The following TLR8 variants were observed in gnomAD, a reference collection of about 807,000 sequenced individuals.
TLR8 encodes the protein toll like receptor 8.
TLR8 carries 5 observed loss-of-function variants against 18.5 expected under a neutral mutation model. The ratio of observed to expected loss-of-function variants is 0.27; its 90% CI spans 0.14 to 0.57. The LOEUF is 0.57. Ranked by LOEUF, TLR8 falls within the 20% of genes least tolerant of loss-of-function variation. The probability of loss-of-function intolerance (pLI) is 0.92; values close to 1 mark genes in which losing one functional copy is unlikely to be tolerated. For synonymous variants in TLR8, 299 were observed against 300.1 expected, an observed-to-expected ratio of 1.00 and a Z score of 0.04; for missense variants, 543 against 769.8, an observed-to-expected ratio of 0.71 and a Z score of 3.49.
At chrX:12,910,094 A>G (rs1042745497) in intron 1 of TLR8, among the ~76,000 whole-genome samples, 2 of 112,323 alleles carry the variant, frequency 1.8e-5, no homozygotes, top group African/African-American at 3.2e-5. Flanking sequence ...AATTTCATCT[A>G]AAGTGACAAA....
Position 12,920,348 on chromosome X carries a change from T to C in TLR8, c.1308T>C (p.Asp436=). Residue 436 remains aspartate (D), a synonymous_variant, in exon 2 of 2, where the codon GAT becomes GAC. Transcript: ENST00000218032. ...SENRISPLVK[D]TRQSYANSSS... ...ACAGAATATCACCGTTGGTAAAAGA[T>C]ACCCGGCAGAGTTATGCAAATAGTT... 8.3e-7 allele frequency: 1 copy of C among 1,211,275 alleles called. No individual in the cohort carries two copies. The highest frequency in any genetic ancestry group is 3.0e-5 in the East Asian group (1 of 33,868).
chrX:12,916,821 T>C (rs186953247), intron 1 of TLR8, among the ~76,000 whole-genome samples: 1 of 111,008 alleles, frequency 9.0e-6, no homozygotes, highest in Non-Finnish European at 1.9e-5. Flanking sequence ...TCCAGGTTCA[T>C]CCAGATTGTC....
At chrX:12,913,531 G>A (rs537273969) in intron 1 of TLR8, among the ~76,000 whole-genome samples, 1 of 112,540 alleles carries the variant, frequency 8.9e-6, no homozygotes, top group South Asian at 3.6e-4. Flanking sequence ...TGCCTTATCC[G>A]TTTAATTGCC....
At position 12,921,801 on chromosome X, in the gene TLR8, G is replaced by A. The variant is rs973018819; in HGVS notation, c.2761G>A (p.Asp921Asn). 2 of 1,209,996 alleles carry A rather than the reference G, an allele frequency of 1.7e-6. No individual in the cohort carries two copies. Among genetic ancestry groups the A allele is most frequent in the African/African-American group, 3.5e-5 (2 of 57,165 alleles). The change falls in exon 2 of 2, where the codon GAT becomes AAT. Residue 921 changes from aspartate to asparagine, a missense_variant. Asp to Asn is a conservative substitution (Grantham distance 23). Transcript: ENST00000218032. Reference protein sequence around the residue: ...KNVLLCLEERDWDPGLAIIDN... With the variant: ...KNVLLCLEERNWDPGLAIIDN... ...CGTTCTCCTTTGTCTAGAGGAGAGG[G>A]ATTGGGACCCGGGATTGGCCATCAT...
rs5744083 is a variant in TLR8, at chrX:12,921,287, A to G, written c.2247A>G (p.Lys749=). The change falls in exon 2 of 2, where the codon AAA becomes AAG. Residue 749 remains lysine (K), a synonymous_variant. Transcript: ENST00000218032. ...KHLDLSSNLL[K]TINKSALETK... ...TCGATTTAAGTTCCAATCTGCTAAA[A>G]ACAATCAACAAATCCGCACTTGAAA... is the stretch of plus-strand genomic sequence containing the variant. 0.011 allele frequency: 13,063 copies of G among 1,209,874 alleles called. 57 individuals are homozygous for G. The highest frequency in any genetic ancestry group is 0.012 in the Non-Finnish European group (10,763 of 895,232).
intron 1 of TLR8, among the ~76,000 whole-genome samples, chrX:12,917,317 A>T (rs1479682511): frequency 8.9e-6 from 1 of 112,296 alleles, no homozygotes; most frequent in East Asian, 2.8e-4. Context: ...GCTCCACTTT[A>T]ATTTCCATCT....
chrX:12,916,399 G>T (rs747912697), intron 1 of TLR8, among the ~76,000 whole-genome samples: 1 of 112,039 alleles, frequency 8.9e-6, no homozygotes, highest in South Asian at 3.7e-4. Flanking sequence ...ATCTAGCAAT[G>T]TTGGAACTTG....
intron 1 of TLR8, among the ~76,000 whole-genome samples, chrX:12,911,169 T>C (rs181276326): frequency 5.5e-4 from 61 of 111,903 alleles, no homozygotes; most frequent in Non-Finnish European, 1.1e-3. Flanking sequence ...ACAACTGTCA[T>C]TTACCTGTTC....
chrX:12,916,200 T>A (rs184026632), intron 1 of TLR8, among the ~76,000 whole-genome samples: 2 of 112,170 alleles, frequency 1.8e-5, no homozygotes, highest in East Asian at 5.6e-4. Flanking sequence ...TCCCCTCTTC[T>A]TAGGCTCTTA....
In TLR8 at chrX:12,920,974, A is replaced by T. The variant is rs2043089820; in HGVS notation, c.1934A>T (p.Asp645Val). The change falls in exon 2 of 2, where the codon GAT (aspartate) becomes GTT (valine). Residue 645 changes from aspartate (D) to valine (V), a missense_variant. This residue lies in a region of TLR8 where 227 missense variants were observed against 312.9 expected (regional missense o/e 0.73). Coordinates refer to ENST00000218032, the MANE Select transcript of TLR8 (RefSeq NM_138636.5). ...GGTCTCAAGAATCTGACACGTCTGGATTTATCCCTTAATAGGCTGAAGCAC... is the reference window on the plus strand; with the variant it reads ...GGTCTCAAGAATCTGACACGTCTGGTTTTATCCCTTAATAGGCTGAAGCAC... ...FKGLKNLTRL[D>V]LSLNRLKHIP... 8.3e-7 allele frequency: 1 copy of T among 1,211,555 alleles called. No individual in the cohort carries two copies. The highest frequency in any genetic ancestry group is 2.2e-5 in the Admixed American group (1 of 46,035).
At chrX:12,915,339 T>C (rs1230245879) in intron 1 of TLR8, among the ~76,000 whole-genome samples, 1 of 111,508 alleles carries the variant, frequency 9.0e-6, no homozygotes, top group Non-Finnish European at 1.9e-5. Context: ...TTTGTTTTTG[T>C]ATTTTTTGTA....
Position 12,920,924 on chromosome X carries a change from C to T in TLR8, c.1884C>T (p.Asp628=), listed in dbSNP as rs1379610145. The change falls in exon 2 of 2, where the codon GAC becomes GAT. Residue 628 remains aspartate, a synonymous_variant. Coordinates refer to ENST00000218032, the MANE Select transcript of TLR8 (RefSeq NM_138636.5). Reference sequence around the variant, plus strand: ...TTGACATTTTGTGGAATGATGATGACAACAGGTATATCTCCATTTTCAAAG... The same window carrying T: ...TTGACATTTTGTGGAATGATGATGATAACAGGTATATCTCCATTTTCAAAG... ...NRLDILWNDD[D]NRYISIFKGL... is the part of the protein sequence containing the mutation. 1 of 1,210,447 alleles carries T rather than the reference C, an allele frequency of 8.3e-7. No homozygotes were observed. Among genetic ancestry groups the T allele is most frequent in the Admixed American group, 2.2e-5 (1 of 45,935 alleles).
At chrX:12,915,088 C>T (rs72561733) in intron 1 of TLR8, among the ~76,000 whole-genome samples, 3,067 of 111,943 alleles carry the variant, frequency 0.027, 55 homozygotes, top group Non-Finnish European at 0.04. Context: ...ATACATATTT[C>T]GAAACATCAT....
At position 12,919,337 on chromosome X, in the gene TLR8, T is replaced by G. The variant is rs994032756; in HGVS notation, c.297T>G (p.Asn99Lys). 3 of 1,209,393 alleles carry G rather than the reference T, an allele frequency of 2.5e-6. No individual in the cohort carries two copies. The highest frequency in any genetic ancestry group is 2.2e-6 in the Non-Finnish European group (2 of 895,011). The change falls in exon 2 of 2, where the codon AAT becomes AAG. Residue 99 changes from asparagine to lysine, a missense_variant. Physicochemically the swap from Asn to Lys is moderately conservative, Grantham distance 94. Transcript: ENST00000218032. ...AAATAAATCTAAACCACAACCCCAA[T>G]GTACAGCACCAGAACGGAAATCCCG... is the stretch of plus-strand genomic sequence containing the variant. ...LTKINLNHNP[N>K]VQHQNGNPGI...
intron 1 of TLR8, among the ~76,000 whole-genome samples, chrX:12,907,279 C>G: frequency 8.9e-6 from 1 of 112,430 alleles, no homozygotes; most frequent in Non-Finnish European, 1.9e-5. Flanking sequence ...TTCCACCAAC[C>G]TAATAACATG....
intron 1 of TLR8, among the ~76,000 whole-genome samples, chrX:12,907,095 C>T (rs765334709): frequency 4.4e-5 from 5 of 112,463 alleles, no homozygotes; most frequent in African/African-American, 1.6e-4. Context: ...TCTTCCTTTG[C>T]TATTTCTGTA....
At chrX:12,910,498 A>G (rs972207544) in intron 1 of TLR8, 8 of 1,098,828 alleles carry the variant, frequency 7.3e-6, no homozygotes, top group Non-Finnish European at 8.6e-6. Flanking sequence ...GACCACCTGC[A>G]CTGCACACTA....
At position 12,921,048 on chromosome X, in the gene TLR8, C is replaced by G; in HGVS notation, c.2008C>G (p.His670Asp). 1 of 1,211,312 alleles carries G rather than the reference C, an allele frequency of 8.3e-7. No individual in the cohort carries two copies. The highest frequency in any genetic ancestry group is 1.1e-6 in the Non-Finnish European group (1 of 894,994). ...TTTGCCAGCGAGTCTCACTGAACTA[C>G]ATATAAATGATAATATGTTAAAGTT... Reference protein sequence around the residue: ...LNLPASLTELHINDNMLKFFN... With the variant: ...LNLPASLTELDINDNMLKFFN... The change falls in exon 2 of 2, where the codon CAT becomes GAT. Residue 670 changes from histidine (H) to aspartate (D), a missense_variant. By Grantham distance (81) the His-to-Asp change is moderately conservative. This residue lies in a region of TLR8 where 227 missense variants were observed against 312.9 expected (regional missense o/e 0.73). Coordinates refer to ENST00000218032, the MANE Select transcript of TLR8 (RefSeq NM_138636.5).
In TLR8 at chrX:12,921,766, G is replaced by A. The variant is rs1178264844; in HGVS notation, c.2726G>A (p.Arg909Gln). ...CTGCGCTACCACCTTGAAGAGAGCC[G>A]AGACAAAAACGTTCTCCTTTGTCTA... is the stretch of plus-strand genomic sequence containing the variant. ...NELRYHLEES[R>Q]DKNVLLCLEE... Residue 909 changes from arginine (R) to glutamine (Q), a missense_variant, in exon 2 of 2, where the codon CGA becomes CAA. This residue lies in a region of TLR8 where 227 missense variants were observed against 312.9 expected (regional missense o/e 0.73). Transcript: ENST00000218032. The A allele has an allele frequency of 7.4e-6, 9 of 1,209,638 alleles. No homozygotes were observed. Among genetic ancestry groups the A allele is most frequent in the African/African-American group, 1.7e-5 (1 of 57,149 alleles).
Sources: allele counts gnomAD v4.1 joint callset (sites outside exome capture counted in the v4.1 genomes callset), GRCh38; gene constraint gnomAD v4.1.1; regional missense constraint gnomAD v4.1.1; transcripts MANE v1.5; gene names NCBI Gene and HGNC (gene_info 2026-07-23, HGNC 2026-07-21).